TMPRSS11D: variants seen among roughly 807,000 people sequenced by gnomAD.
TMPRSS11D encodes transmembrane serine protease 11D.
In TMPRSS11D, 32 loss-of-function variants were observed where a neutral mutation model predicts 44.4. That is an observed-to-expected ratio of 0.72 (90% CI 0.54 to 0.97). The LOEUF is 0.97. TMPRSS11D is among the 50% of genes least tolerant of loss of function. The probability of loss-of-function intolerance (pLI) is 0.00; values close to 1 mark genes in which losing one functional copy is unlikely to be tolerated. For missense variants in TMPRSS11D, 446 were observed against 502.6 expected, an observed-to-expected ratio of 0.89 and a Z score of 1.08; for synonymous variants, 179 against 177.9, an observed-to-expected ratio of 1.01 and a Z score of -0.05.
chr4:67,859,809 C>T (rs760111057), intron 1 of TMPRSS11D, 131 bp from the exon 2 acceptor site: 35 of 1,247,456 alleles, frequency 2.8e-5, no homozygotes, highest in Admixed American at 5.3e-5. Flanking sequence ...GAAACATATT[C>T]GTAGATATGA....
intron 2 of TMPRSS11D, among the ~76,000 whole-genome samples, chr4:67,856,168 A>G (rs546047903): frequency 6.6e-6 from 1 of 152,310 alleles, no homozygotes; most frequent in South Asian, 2.1e-4. Flanking sequence ...AAAGAGCCCA[A>G]ATAGTCGAAT....
chr4:67,869,874 A>C (rs567636164), intron 1 of TMPRSS11D, among the ~76,000 whole-genome samples: 1 of 152,314 alleles, frequency 6.6e-6, no homozygotes, highest in African/African-American at 2.4e-5. Flanking sequence ...TTTTATATAG[A>C]TCTTCCCCAT....
chr4:67,847,668 A>G (rs1276641826), intron 3 of TMPRSS11D, among the ~76,000 whole-genome samples: 2 of 151,910 alleles, frequency 1.3e-5, no homozygotes, highest in Non-Finnish European at 2.9e-5. Flanking sequence ...ATAAGACCAA[A>G]CAAGGATGCT....
At chr4:67,842,128 C>T (rs1718246127) in intron 4 of TMPRSS11D, among the ~76,000 whole-genome samples, 1 of 152,098 alleles carries the variant, frequency 6.6e-6, no homozygotes. Context: ...TTTATTATAG[C>T]ACATCAGGCA....
At chr4:67,866,140 TAATA>T (rs1420870682) in intron 1 of TMPRSS11D, among the ~76,000 whole-genome samples, 1 of 151,992 alleles carries the variant, frequency 6.6e-6, no homozygotes, top group Non-Finnish European at 1.5e-5. Flanking sequence ...ATCAAAATGG[TAATA>T]TGCCATGGTC....
At chr4:67,875,543 T>C (rs1719167227) in intron 1 of TMPRSS11D, among the ~76,000 whole-genome samples, 2 of 152,246 alleles carry the variant, frequency 1.3e-5, no homozygotes, top group African/African-American at 4.8e-5. Context: ...GTATATTTAT[T>C]ACCTGTCTCC....
chr4:67,826,045 A>T (rs1331761513), intron 8 of TMPRSS11D, among the ~76,000 whole-genome samples, 171 bp from the exon 9 acceptor site: 1 of 152,128 alleles, frequency 6.6e-6, no homozygotes, highest in Non-Finnish European at 1.5e-5. Context: ...CCCCAAGTAG[A>T]TGAGGATAAC....
At chr4:67,853,774 A>G (rs1718564280) in intron 3 of TMPRSS11D, among the ~76,000 whole-genome samples, 2 of 152,240 alleles carry the variant, frequency 1.3e-5, no homozygotes, top group Admixed American at 1.3e-4. Context: ...TAAAAAGACA[A>G]TGTCAATGCT....
chr4:67,862,877 G>A, intron 1 of TMPRSS11D, among the ~76,000 whole-genome samples: 2 of 151,850 alleles, frequency 1.3e-5, no homozygotes, highest in Non-Finnish European at 1.5e-5. Flanking sequence ...TGGACACAGG[G>A]AGGGGAACAT....
At chr4:67,862,200 A>G (rs1718806895) in intron 1 of TMPRSS11D, among the ~76,000 whole-genome samples, 1 of 152,108 alleles carries the variant, frequency 6.6e-6, no homozygotes, top group Admixed American at 6.6e-5. Flanking sequence ...CCTATCTGCC[A>G]GGCATTGTAC....
At chr4:67,870,452 C>T (rs1192587801) in intron 1 of TMPRSS11D, among the ~76,000 whole-genome samples, 1 of 152,196 alleles carries the variant, frequency 6.6e-6, no homozygotes, top group East Asian at 1.9e-4. Context: ...GGGCTTGCTC[C>T]CTGGCCTCTT....
intron 7 of TMPRSS11D, among the ~76,000 whole-genome samples, chr4:67,827,734 A>G (rs976417964): frequency 6.6e-6 from 1 of 152,126 alleles, no homozygotes; most frequent in Non-Finnish European, 1.5e-5. Flanking sequence ...AGATTTTAGA[A>G]AACATATCGT....
intron 2 of TMPRSS11D, 43 bp downstream of exon 2, chr4:67,859,514 T>A: frequency 6.3e-7 from 1 of 1,591,172 alleles, no homozygotes; most frequent in Non-Finnish European, 8.6e-7. Flanking sequence ...TGAAATTGTA[T>A]GTAGCTATTA....
intron 1 of TMPRSS11D, among the ~76,000 whole-genome samples, chr4:67,879,471 C>CAAAAAAAAAAAAAAAAAA (rs58768044): frequency 9.2e-6 from 1 of 108,810 alleles, no homozygotes. Context: ...GACTCCTTCT[C>CAAAAAAAAAAAAAAAAAA]AAAAAAAAAA....
chr4:67,822,569 A>C (rs1717674224), intron 9 of TMPRSS11D, 71 bp from the exon 10 acceptor site: 1 of 1,536,640 alleles, frequency 6.5e-7, no homozygotes, highest in Admixed American at 1.7e-5. Flanking sequence ...GTTTATTTCT[A>C]TGGCAGTCGA....
chr4:67,830,227 G>A (rs1019099645), intron 7 of TMPRSS11D, among the ~76,000 whole-genome samples: 10 of 152,018 alleles, frequency 6.6e-5, no homozygotes, highest in Non-Finnish European at 1.3e-4. Context: ...AGGTTTTGTA[G>A]GTGCGTGCAT....
At chr4:67,825,913 A>T (rs1717782113) in intron 8 of TMPRSS11D, 39 bp from the exon 9 acceptor site, 2 of 1,592,296 alleles carry the variant, frequency 1.3e-6, no homozygotes, top group African/African-American at 2.7e-5. Context: ...GGACTTCAAG[A>T]TGTGTACATT....
At chr4:67,840,045 C>T (rs1718195426) in intron 4 of TMPRSS11D, among the ~76,000 whole-genome samples, 1 of 147,388 alleles carries the variant, frequency 6.8e-6, no homozygotes, top group Admixed American at 6.9e-5. Context: ...GAATGTCTGA[C>T]AGATGTAACT....
At chr4:67,876,113 C>T (rs1448916504) in intron 1 of TMPRSS11D, among the ~76,000 whole-genome samples, 2 of 152,074 alleles carry the variant, frequency 1.3e-5, no homozygotes. Flanking sequence ...TGTCCAGGGG[C>T]CTGTGTTTTT....
Sources: gnomAD v4.1 joint callset for allele counts (sites outside exome capture counted in the v4.1 genomes callset) on GRCh38, gnomAD v4.1.1 for gene constraint, MANE v1.5 for transcripts, NCBI Gene and HGNC (gene_info 2026-07-23, HGNC 2026-07-21) for gene names.